STAT5A: variants seen among roughly 807,000 people sequenced by gnomAD.
The protein encoded by STAT5A is epididymis secretory sperm binding protein.
In STAT5A, 26 loss-of-function variants were observed where a neutral mutation model predicts 100.2. The ratio of observed to expected loss-of-function variants is 0.26; its 90% CI spans 0.19 to 0.36. The LOEUF is 0.36. STAT5A is among the 10% of genes least tolerant of loss of function. The probability of loss-of-function intolerance (pLI) is 1.00; values close to 1 mark genes in which losing one functional copy is unlikely to be tolerated. For missense variants in STAT5A, 634 were observed against 1,027.5 expected, an observed-to-expected ratio of 0.62 and a Z score of 5.24; for synonymous variants, 330 against 424.3, an observed-to-expected ratio of 0.78 and a Z score of 2.73.
At chr17:42,289,250 C>A (rs1358567532) in intron 1 of STAT5A, 152 bp from the exon 2 acceptor site, 2 of 857,068 alleles carry the variant, frequency 2.3e-6, no homozygotes, top group East Asian at 3.2e-5. Flanking sequence ...CACTCCTCAC[C>A]ATCTCTGTTC....
chr17:42,298,676 TTAGCCAGGATGGTCTC>T (rs1380553865), intron 5 of STAT5A, among the ~76,000 whole-genome samples: 133 of 151,800 alleles, frequency 8.8e-4, no homozygotes, highest in African/African-American at 1.7e-3. Flanking sequence ...TTTCACTGTG[TTAGCCAGGATGGTCTC>T]TAGCCAGGAT....
intron 5 of STAT5A, among the ~76,000 whole-genome samples, chr17:42,296,389 A>C (rs1272840248): frequency 6.6e-6 from 1 of 152,186 alleles, no homozygotes; most frequent in Non-Finnish European, 1.5e-5. Flanking sequence ...GGCTCCCATG[A>C]TAAAGATGTG....
chr17:42,308,560 TG>T lies in STAT5A; in HGVS notation c.2062+229del. 1 of 613,936 alleles carries T rather than the reference TG, an allele frequency of 1.6e-6. No homozygotes were observed. Among genetic ancestry groups the T allele is most frequent in the South Asian group, 2.0e-5 (1 of 49,840 alleles). The allele number at this position is 613,936 out of a possible 1,614,324, so 38.0% of individuals were successfully genotyped here. ...TCTTCTCTGCAAAGTGAAAGCTGCATGGATTCTCACTTCTGCACCCTCGGAG... is the reference window on the plus strand; with the variant it reads ...TCTTCTCTGCAAAGTGAAAGCTGCATGATTCTCACTTCTGCACCCTCGGAG... On this transcript the variant is annotated intron_variant, in intron 16 of 18. Transcript: ENST00000590949. The surrounding 1 kb of genome is among the most constrained non-coding windows in gnomAD (Gnocchi z 4.6).
At position 42,288,829 on chromosome 17, in the gene STAT5A, G is replaced by A. The variant is rs2080839420; in HGVS notation, c.-11+231G>A. 6.6e-6 allele frequency among the ~76,000 whole-genome samples: 1 copy of A among 151,812 alleles called. No homozygotes were observed. The highest frequency in any genetic ancestry group is 1.5e-5 in the Non-Finnish European group (1 of 68,028). ...GCGCCGTCCTGGCACGCCTCGGAGA[G>A]GGAGCACCTGTCGGGCTGGACCCGG... is the stretch of plus-strand genomic sequence containing the variant. On this transcript the variant is annotated intron_variant, in intron 1 of 18. Coordinates refer to ENST00000590949, the MANE Select transcript of STAT5A (RefSeq NM_001288718.2). The surrounding 1 kb of genome is among the most constrained non-coding windows in gnomAD (Gnocchi z 4.8).
At chr17:42,291,443 A>G (rs8077372) in intron 3 of STAT5A, among the ~76,000 whole-genome samples, 8,192 of 152,176 alleles carry the variant, frequency 0.054, 713 homozygotes, top group African/African-American at 0.19. Flanking sequence ...AAGACTGGGT[A>G]TGATGGCTCA....
intron 3 of STAT5A, among the ~76,000 whole-genome samples, chr17:42,290,869 C>A (rs183566848): frequency 5.1e-4 from 78 of 152,356 alleles, no homozygotes; most frequent in African/African-American, 1.8e-3. Context: ...TGATCCCCCA[C>A]CACTTTTTGG....
chr17:42,299,655 G>A lies in STAT5A; in HGVS notation c.551-96G>A, dbSNP rs2080955732. On this transcript the variant is annotated intron_variant, in intron 5 of 18. Transcript: ENST00000590949. ...TGCTCTTGATGCAGTGTCTGAGCCT[G>A]GGAGGGTCTCGCTCCAGAACAGGTG... The A allele has an allele frequency of 4.4e-6, 7 of 1,590,954 alleles. No individual in the cohort carries two copies. In the South Asian group the frequency reaches 4.5e-5, roughly 10 times the overall value.
At chr17:42,300,382 C>T (rs1323849694) in intron 7 of STAT5A, 101 bp downstream of exon 7, 37 of 1,389,644 alleles carry the variant, frequency 2.7e-5, no homozygotes, top group Non-Finnish European at 3.6e-5. Flanking sequence ...CCCCCTCCAT[C>T]CTGGGACAGC....
Position 42,298,880 on chromosome 17 carries a change from G to A in STAT5A, c.551-871G>A, listed in dbSNP as rs369549522. Among the ~76,000 whole-genome samples the A allele has an allele frequency of 3.4e-4, 52 of 152,218 alleles. No homozygotes were observed. In the East Asian group the frequency reaches 9.7e-3, roughly 28 times the overall value. On this transcript the variant is annotated intron_variant, in intron 5 of 18. Transcript: ENST00000590949. ...CTCACAGATGGTGTGGAGGGAAGCC[G>A]CCTCCCTTCGGCCTCCCTTTCCTGA... is the stretch of plus-strand genomic sequence containing the variant.
chr17:42,304,558 G>C lies in STAT5A; in HGVS notation c.1286G>C (p.Arg429Pro). 6.2e-7 allele frequency: 1 copy of C among 1,614,226 alleles called. No homozygotes were observed. The highest frequency in any genetic ancestry group is 8.5e-7 in the Non-Finnish European group (1 of 1,180,040). ...CTGAAGAGGATCAAGCGTGCTGACCGGCGGGGTGCAGAGTCCGTGACAGAG... is the reference window on the plus strand; with the variant it reads ...CTGAAGAGGATCAAGCGTGCTGACCCGCGGGGTGCAGAGTCCGTGACAGAG... ...MSLKRIKRAD[R>P]RGAESVTEEK... Residue 429 changes from arginine to proline, a missense_variant, in exon 11 of 19, where the codon CGG becomes CCG. Arg to Pro is a moderately radical substitution (Grantham distance 103). This residue lies in a region of STAT5A where 210 missense variants were observed against 428.4 expected (regional missense o/e 0.49). Coordinates refer to ENST00000590949, the MANE Select transcript of STAT5A (RefSeq NM_001288718.2). This position sits in a 1 kb window ranked among gnomAD's most constrained non-coding sequence, Gnocchi z 4.8.
At position 42,310,868 on chromosome 17, in the gene STAT5A, T is replaced by TA. The variant is rs1277276783; in HGVS notation, c.*199_*200insA. ...GGATGTGGCTGCAGCAGCGGTGGCC[T>TA]CTTTTCAGATCATGGCATCCAAGAG... is the stretch of plus-strand genomic sequence containing the variant. On this transcript the variant is annotated 3_prime_UTR_variant, in exon 19 of 19. Transcript: ENST00000590949. 1.2e-6 allele frequency: 1 copy of TA among 869,494 alleles called. No homozygotes were observed. Among genetic ancestry groups the TA allele is most frequent in the Non-Finnish European group, 1.7e-6 (1 of 583,192 alleles). 53.9% of individuals were successfully genotyped at this position (869,494 alleles called of 1,614,324 possible).
Position 42,300,771 on chromosome 17 carries a change from A to G in STAT5A, c.890A>G (p.Glu297Gly). 2 of 1,613,034 alleles carry G rather than the reference A, an allele frequency of 1.2e-6. No individual in the cohort carries two copies. The highest frequency in any genetic ancestry group is 1.7e-6 in the Non-Finnish European group (2 of 1,179,612). ...AACCGGCAGCAGATCCGCAGGGCTGAGCACCTCTGCCAGCAGCTGCCCATC... is the reference window on the plus strand; with the variant it reads ...AACCGGCAGCAGATCCGCAGGGCTGGGCACCTCTGCCAGCAGCTGCCCATC... ...WQNRQQIRRA[E>G]HLCQQLPIPG... Residue 297 changes from glutamate to glycine, a missense_variant, in exon 8 of 19, where the codon GAG becomes GGG. Glu to Gly is a moderately conservative substitution (Grantham distance 98). Transcript: ENST00000590949.
intron 5 of STAT5A, 131 bp downstream of exon 5, chr17:42,295,924 C>T: frequency 7.4e-7 from 1 of 1,357,210 alleles, no homozygotes; most frequent in East Asian, 2.5e-5. Flanking sequence ...GAAGCAATGG[C>T]TCCCGGTGAT....
chr17:42,295,670 C>T lies in STAT5A; in HGVS notation c.427C>T (p.Gln143Ter). The change falls in exon 5 of 19, where the codon CAG becomes TAG. Residue 143 changes from glutamine (Q) to a stop codon, truncating the protein, a stop_gained. Transcript: ENST00000590949. LOFTEE classifies it high-confidence loss of function. ...TGACGCCATGTCCCAGAAGCACCTTCAGATCAACCAGACATTTGAGGAGCT... is the reference window on the plus strand; with the variant it reads ...TGACGCCATGTCCCAGAAGCACCTTTAGATCAACCAGACATTTGAGGAGCT... ...LVDAMSQKHL[Q>*]INQTFEELRL... 6.2e-7 allele frequency: 1 copy of T among 1,613,952 alleles called. No homozygotes were observed. The highest frequency in any genetic ancestry group is 8.5e-7 in the Non-Finnish European group (1 of 1,179,958).
At chr17:42,300,406 G>T (rs1261165080) in intron 7 of STAT5A, 125 bp downstream of exon 7, 14 of 1,272,098 alleles carry the variant, frequency 1.1e-5, no homozygotes, top group Non-Finnish European at 1.3e-5. Context: ...TGTTTCTCCA[G>T]GGAGCCTGGT....
Position 42,289,551 on chromosome 17 carries a change from C to T in STAT5A, c.128+12C>T. 1.2e-6 allele frequency: 2 copies of T among 1,610,662 alleles called. No individual in the cohort carries two copies. The highest frequency in any genetic ancestry group is 8.5e-7 in the Non-Finnish European group (1 of 1,178,550). The stretch of plus-strand genomic sequence containing the variant: ...GAGAGCCAGCCATGGTAGGCACGTC[C>T]CGCCCTGCCCCTCCTCAGAGGGTCC... On this transcript the variant is annotated intron_variant, in intron 2 of 18. Transcript: ENST00000590949.
In STAT5A at chr17:42,311,108, CAGAG is replaced by C. The variant is rs943411415; in HGVS notation, c.*447_*450del. ...CTCCTAAGAGAGAGAGACAGAGAGA[CAGAG>C]AGAGAGAAAGAGAGAGTGTGTGGGT... On this transcript the variant is annotated 3_prime_UTR_variant, in exon 19 of 19. Coordinates refer to ENST00000590949, the MANE Select transcript of STAT5A (RefSeq NM_001288718.2). The C allele has an allele frequency of 1.2e-4, 25 of 207,166 alleles. No individual in the cohort carries two copies. Among genetic ancestry groups the C allele is most frequent in the African/African-American group, 2.5e-4 (11 of 44,624 alleles). The allele number at this position is 207,166 out of a possible 1,614,324, so 12.8% of individuals were successfully genotyped here. A position where few individuals can be genotyped will look rare whatever the true frequency, so the allele number is the denominator to read the frequency against.
intron 1 of STAT5A, 142 bp from the exon 2 acceptor site, chr17:42,289,260 C>T: frequency 1.0e-6 from 1 of 955,320 alleles, no homozygotes. Context: ...CATCTCTGTT[C>T]CCGCACAGGA....
At chr17:42,310,429 C>A in intron 18 of STAT5A, 78 bp from the exon 19 acceptor site, 1 of 1,511,990 alleles carries the variant, frequency 6.6e-7, no homozygotes, top group Non-Finnish European at 9.1e-7. Flanking sequence ...GAGTGGAGAG[C>A]AGGCTGGAGG....
Sources: gnomAD v4.1 joint callset for allele counts (sites outside exome capture counted in the v4.1 genomes callset) on GRCh38, gnomAD v4.1.1 for gene constraint, gnomAD v4.1.1 regional missense constraint, Gnocchi (gnomAD v3.1) non-coding constraint, MANE v1.5 for transcripts, NCBI Gene and HGNC (gene_info 2026-07-23, HGNC 2026-07-21) for gene names.